SLIT2: variants seen among roughly 807,000 people sequenced by gnomAD.
SLIT2 encodes the protein slit homolog 2 protein.
Under a neutral mutation model 185.7 loss-of-function variants are expected in SLIT2, and 41 were observed. That is an observed-to-expected ratio of 0.22 (90% CI 0.17 to 0.29). SLIT2 has a LOEUF of 0.29. Ranked by LOEUF, SLIT2 falls within the 10% of genes least tolerant of loss-of-function variation. The probability of loss-of-function intolerance (pLI) is 1.00; values close to 1 mark genes in which losing one functional copy is unlikely to be tolerated. For missense variants in SLIT2, 1,571 were observed against 1,909.0 expected, an observed-to-expected ratio of 0.82 and a Z score of 3.30; for synonymous variants, 693 against 680.2, an observed-to-expected ratio of 1.02 and a Z score of -0.29.
rs1302478113 is a variant in SLIT2 at position 20,553,941 on chromosome 4, A to G, written c.2698A>G (p.Thr900Ala). 6.2e-7 allele frequency: 1 copy of G among 1,601,198 alleles called. No individual in the cohort carries two copies. The highest frequency in any genetic ancestry group is 2.2e-5 in the East Asian group (1 of 44,664). ...AATGGCAGATAAACTTTTACTCACA[A>G]CTCCCTCCAAAAAATTTACCTGTCA... ...GEMADKLLLTTPSKKFTCQGP... is the reference protein window; with the variant it reads ...GEMADKLLLTAPSKKFTCQGP... Residue 900 changes from threonine (T) to alanine (A), a missense_variant, in exon 26 of 37, where the codon ACT becomes GCT. Thr to Ala is a moderately conservative substitution (Grantham distance 58). This residue lies in a region of SLIT2 where 1,202 missense variants were observed against 1,416.4 expected (regional missense o/e 0.85). Transcript: ENST00000504154.
At chr4:20,575,838 A>G (rs1726044299) in intron 29 of SLIT2, among the ~76,000 whole-genome samples, 2 of 152,010 alleles carry the variant, frequency 1.3e-5, no homozygotes, top group South Asian at 4.2e-4. Context: ...CAATTAATGA[A>G]TAAATTCCCC....
intron 24 of SLIT2, among the ~76,000 whole-genome samples, 167 bp downstream of exon 24, chr4:20,549,295 T>A (rs966077006): frequency 2.0e-5 from 3 of 152,150 alleles, no homozygotes; most frequent in African/African-American, 7.2e-5. Flanking sequence ...AGTATCATTG[T>A]CCAACAGCTT....
chr4:20,382,601 G>C (rs1186870625), intron 4 of SLIT2, among the ~76,000 whole-genome samples: 2 of 152,036 alleles, frequency 1.3e-5, no homozygotes, highest in Non-Finnish European at 2.9e-5. Flanking sequence ...AAATGTAATA[G>C]AATATATATT....
intron 4 of SLIT2, among the ~76,000 whole-genome samples, chr4:20,391,834 G>A (rs563431738): frequency 1.2e-3 from 187 of 152,032 alleles, no homozygotes; most frequent in Admixed American, 3.5e-3. Flanking sequence ...TGAAGACAAC[G>A]TAGTCTTCTT....
At chr4:20,577,909 A>C (rs904195569) in intron 29 of SLIT2, among the ~76,000 whole-genome samples, 4 of 152,164 alleles carry the variant, frequency 2.6e-5, no homozygotes, top group African/African-American at 9.7e-5. Flanking sequence ...TGACAAGTGC[A>C]ATTTCTTGAT....
In SLIT2 at chr4:20,615,195, AC is replaced by A. The variant is rs1377806256; in HGVS notation, c.3848-1711del. 7 of 152,336 alleles carry A rather than the reference AC, an allele frequency of 4.6e-5. No individual in the cohort carries two copies. In the East Asian group the frequency reaches 1.3e-3, roughly 29 times the overall value. 9.4% of individuals were successfully genotyped at this position (152,336 alleles called of 1,614,324 possible). ...GGATATGGTTAAATTAGAAAAACTT[AC>A]CCCAGGGCAAGGAATTTTCTGTCAC... On this transcript the variant is annotated intron_variant, in intron 34 of 36. Coordinates refer to ENST00000504154, the MANE Select transcript of SLIT2 (RefSeq NM_004787.4).
intron 4 of SLIT2, among the ~76,000 whole-genome samples, chr4:20,424,992 T>C (rs1272638828): frequency 6.6e-6 from 1 of 152,136 alleles, no homozygotes; most frequent in Non-Finnish European, 1.5e-5. Flanking sequence ...TGATAAGGCA[T>C]AATTTGTCTC....
chr4:20,343,212 C>T (rs1721108283), intron 4 of SLIT2, among the ~76,000 whole-genome samples: 1 of 152,026 alleles, frequency 6.6e-6, no homozygotes, highest in African/African-American at 2.4e-5. Flanking sequence ...CTCTTCATCC[C>T]CCAATCCACT....
chr4:20,387,799 G>A (rs936453506), intron 4 of SLIT2, among the ~76,000 whole-genome samples: 1 of 152,062 alleles, frequency 6.6e-6, no homozygotes, highest in Non-Finnish European at 1.5e-5. Context: ...CAACAACCTG[G>A]ATGGGCCTGG....
chr4:20,456,961 A>T (rs1713140099), intron 4 of SLIT2, among the ~76,000 whole-genome samples: 1 of 152,126 alleles, frequency 6.6e-6, no homozygotes, highest in South Asian at 2.1e-4. Flanking sequence ...TCATGAAAAA[A>T]AATATCTCTA....
intron 4 of SLIT2, among the ~76,000 whole-genome samples, chr4:20,279,882 T>G (rs1381570214): frequency 6.6e-6 from 1 of 152,214 alleles, no homozygotes; most frequent in Non-Finnish European, 1.5e-5. Context: ...CTTATATTTG[T>G]CCTTGTTTCA....
At chr4:20,420,807 A>G (rs2109462929) in intron 4 of SLIT2, among the ~76,000 whole-genome samples, 1 of 152,224 alleles carries the variant, frequency 6.6e-6, no homozygotes, top group South Asian at 2.1e-4. Context: ...AGGGGCTCTC[A>G]TGATGGGATC....
chr4:20,339,270 G>T (rs1720769578), intron 4 of SLIT2, among the ~76,000 whole-genome samples: 1 of 151,660 alleles, frequency 6.6e-6, no homozygotes, highest in South Asian at 2.1e-4. Flanking sequence ...CTTTGGATAA[G>T]GGAGTGGAGG....
chr4:20,434,346 C>T (rs1445659822), intron 4 of SLIT2, among the ~76,000 whole-genome samples: 2 of 152,016 alleles, frequency 1.3e-5, no homozygotes, highest in East Asian at 1.9e-4. Context: ...ATTAGCTGGG[C>T]GTGGTGGCGC....
At chr4:20,326,287 T>C (rs1457120047) in intron 4 of SLIT2, among the ~76,000 whole-genome samples, 2 of 152,040 alleles carry the variant, frequency 1.3e-5, no homozygotes, top group Non-Finnish European at 2.9e-5. Flanking sequence ...CTGTGTCTTG[T>C]TTATTGTTGT....
intron 26 of SLIT2, among the ~76,000 whole-genome samples, chr4:20,555,010 C>T (rs947988597): frequency 5.3e-5 from 8 of 151,934 alleles, no homozygotes; most frequent in East Asian, 1.9e-4. Flanking sequence ...CCTCATGATC[C>T]ACACCCCCTT....
Position 20,475,610 on chromosome 4 carries a change from C to T in SLIT2, c.468-5106C>T, listed in dbSNP as rs148987521. On this transcript the variant is annotated intron_variant, in intron 5 of 36. Transcript: ENST00000504154. ...CTGTGAGACTCATAGTCTCAAAATC[C>T]GGATGATGCTAATTTCTCCTTCCCA... is the stretch of plus-strand genomic sequence containing the variant. Among the ~76,000 whole-genome samples the T allele has an allele frequency of 4.5e-3, 692 of 152,090 alleles. 8 individuals are homozygous for T. The highest frequency in any genetic ancestry group is 0.016 in the African/African-American group (656 of 41,498).
chr4:20,415,138 G>A (rs1007147616), intron 4 of SLIT2, among the ~76,000 whole-genome samples: 8 of 152,234 alleles, frequency 5.3e-5, no homozygotes, highest in South Asian at 2.1e-4. Flanking sequence ...CTGGCTGTGC[G>A]CGGTGGCCCG....
chr4:20,440,575 A>G (rs558119083), intron 4 of SLIT2, among the ~76,000 whole-genome samples: 31 of 152,342 alleles, frequency 2.0e-4, no homozygotes, highest in African/African-American at 7.2e-4. Context: ...AAACAACGCA[A>G]TGAATAAAAA....
Sources: gnomAD v4.1 joint callset for allele counts (sites outside exome capture counted in the v4.1 genomes callset) on GRCh38, gnomAD v4.1.1 for gene constraint, gnomAD v4.1.1 regional missense constraint, MANE v1.5 for transcripts, NCBI Gene and HGNC (gene_info 2026-07-23, HGNC 2026-07-21) for gene names.